Variants in HECW1 observed in about 807,000 individuals in gnomAD.
The protein encoded by HECW1 is E3 ubiquitin-protein ligase HECW1.
A neutral mutation model predicts 182.3 loss-of-function variants in HECW1; 61 were observed. The ratio of observed to expected loss-of-function variants is 0.33; its 90% CI spans 0.27 to 0.41. The LOEUF (loss-of-function observed/expected upper bound fraction) is 0.41. HECW1 is among the 10% of genes least tolerant of loss of function. The probability of loss-of-function intolerance (pLI) is 1.00; values close to 1 mark genes in which losing one functional copy is unlikely to be tolerated. For missense variants in HECW1, 1,739 were observed against 2,108.9 expected (o/e 0.82, Z 3.44); for synonymous variants, 859 against 832.6 (o/e 1.03, Z -0.55).
chr7:43,508,602 A>G, intron 23 of HECW1: 1 of 265,988 alleles, frequency 3.8e-6, no homozygotes, highest in South Asian at 6.4e-5. Flanking sequence ...ACACACACAC[A>G]TGCATGCACA....
chr7:43,248,510 T>C (rs1799662314), intron 3 of HECW1: 1 of 152,428 alleles, frequency 6.6e-6, no homozygotes, highest in African/African-American at 2.4e-5. Context: ...GGCTTGCTTT[T>C]GGTTATAATG....
At chr7:43,314,818 C>T (rs78587343) in intron 4 of HECW1, among the ~76,000 whole-genome samples, 1,850 of 152,342 alleles carry the variant, frequency 0.012, 39 homozygotes, top group African/African-American at 0.041. Context: ...TTATCTTCCA[C>T]ATTTTCCGTG....
At chr7:43,299,162 G>A (rs779075871) in intron 3 of HECW1, among the ~76,000 whole-genome samples, 14 of 152,146 alleles carry the variant, frequency 9.2e-5, no homozygotes, top group South Asian at 2.1e-4. Flanking sequence ...GATAATCATC[G>A]GTTTGCCATC....
At position 43,438,044 on chromosome 7, in the gene HECW1, T is replaced by C. The variant is rs2076765495; in HGVS notation, c.843T>C (p.Ile281=). 1 of 1,614,098 alleles carries C rather than the reference T, an allele frequency of 6.2e-7. No individual in the cohort carries two copies. Among genetic ancestry groups the C allele is most frequent in the Non-Finnish European group, 8.5e-7 (1 of 1,180,008 alleles). ...FVSLPTDVLE[I]EVKDKFAKSR... is the part of the protein sequence containing the mutation. ...CCTTGCCCACTGACGTGCTGGAAAT[T>C]GAGGTGAAGGACAAGTTTGCCAAGA... The change falls in exon 9 of 30, where the codon ATT becomes ATC. Residue 281 remains isoleucine (I), a synonymous_variant. Coordinates refer to ENST00000395891, the MANE Select transcript of HECW1 (RefSeq NM_015052.5).
In HECW1 at chr7:43,193,663, T is replaced by C. The variant is rs1202771579; in HGVS notation, c.-31-50212T>C. ...TCCCAAATTGCTGGGATTATAAGCATGAGCCACCACACCCGGCCACTTGAT... is the reference window on the plus strand; with the variant it reads ...TCCCAAATTGCTGGGATTATAAGCACGAGCCACCACACCCGGCCACTTGAT... On this transcript the variant is annotated intron_variant, in intron 2 of 29. Transcript: ENST00000395891. Among the ~76,000 whole-genome samples, 10 of 152,158 alleles carry C rather than the reference T, an allele frequency of 6.6e-5. No individual in the cohort carries two copies. In the East Asian group the frequency reaches 7.7e-4, roughly 12 times the overall value.
At chr7:43,175,254 A>G (rs941466157) in intron 2 of HECW1, among the ~76,000 whole-genome samples, 1 of 151,764 alleles carries the variant, frequency 6.6e-6, no homozygotes, top group Non-Finnish European at 1.5e-5. Context: ...CACACTTACC[A>G]TTTTCTTGTC....
At chr7:43,463,914 T>A in intron 14 of HECW1, 115 bp downstream of exon 14, 1 of 1,219,558 alleles carries the variant, frequency 8.2e-7, no homozygotes, top group Non-Finnish European at 1.2e-6. Flanking sequence ...GTGAAGAGAG[T>A]GGAAGTCCAG....
chr7:43,495,963 C>T (rs751735115), intron 19 of HECW1, among the ~76,000 whole-genome samples: 1 of 152,100 alleles, frequency 6.6e-6, no homozygotes, highest in Non-Finnish European at 1.5e-5. Flanking sequence ...ACACAAAAGT[C>T]TCATTTTAAT....
chr7:43,327,419 G>A (rs182241395), intron 5 of HECW1, among the ~76,000 whole-genome samples: 7 of 152,268 alleles, frequency 4.6e-5, no homozygotes, highest in Non-Finnish European at 8.8e-5. Context: ...TGTAACGGTC[G>A]TGAAGTAATT....
chr7:43,295,528 A>C (rs531491797), intron 3 of HECW1, among the ~76,000 whole-genome samples: 15 of 152,020 alleles, frequency 9.9e-5, no homozygotes, highest in African/African-American at 3.6e-4. Context: ...AGAAGGTCCC[A>C]CTCCCCAGGG....
At chr7:43,233,297 G>A (rs1798040170) in intron 2 of HECW1, among the ~76,000 whole-genome samples, 1 of 152,104 alleles carries the variant, frequency 6.6e-6, no homozygotes, top group Admixed American at 6.5e-5. Flanking sequence ...TTAGTCTCCA[G>A]GACTTTTTAG....
At chr7:43,161,632 T>A (rs1790536029) in intron 2 of HECW1, 2 of 152,356 alleles carry the variant, frequency 1.3e-5, no homozygotes, top group East Asian at 3.9e-4. Flanking sequence ...TGTGAGATAG[T>A]GAACTCTCCA....
intron 4 of HECW1, 38 bp downstream of exon 4, chr7:43,312,125 C>T: frequency 6.6e-7 from 1 of 1,519,662 alleles, no homozygotes; most frequent in South Asian, 1.1e-5. Context: ...TCATAATTCA[C>T]TTTTACATAT....
At chr7:43,542,976 G>C (rs937860798) in intron 26 of HECW1, among the ~76,000 whole-genome samples, 14 of 152,150 alleles carry the variant, frequency 9.2e-5, no homozygotes, top group African/African-American at 3.4e-4. Context: ...TTACAGAAAT[G>C]ATTCTTTTTA....
chr7:43,518,441 G>A (rs1394129196), intron 24 of HECW1, among the ~76,000 whole-genome samples: 1 of 151,828 alleles, frequency 6.6e-6, no homozygotes, highest in African/African-American at 2.4e-5. Flanking sequence ...GGTTGCAGTG[G>A]GCCTGGATTG....
At chr7:43,545,328 A>C (rs1017163995) in intron 26 of HECW1, among the ~76,000 whole-genome samples, 5 of 152,250 alleles carry the variant, frequency 3.3e-5, no homozygotes. Flanking sequence ...CTGAATGCAT[A>C]AAATTAGAGG....
chr7:43,558,561 C>A (rs1052514362), intron 29 of HECW1, among the ~76,000 whole-genome samples: 7 of 152,112 alleles, frequency 4.6e-5, no homozygotes, highest in Non-Finnish European at 7.4e-5. Context: ...GGAAGGGGTG[C>A]TACTGGTGTC....
chr7:43,142,963 G>A (rs566436351), intron 2 of HECW1, among the ~76,000 whole-genome samples: 19 of 152,266 alleles, frequency 1.2e-4, no homozygotes, highest in Non-Finnish European at 2.8e-4. Context: ...AGCTGGGCTT[G>A]GCCATGTAAC....
intron 3 of HECW1, among the ~76,000 whole-genome samples, chr7:43,253,039 G>A (rs73101153): frequency 0.014 from 2,145 of 152,000 alleles, 45 homozygotes; most frequent in Middle Eastern, 0.044. Flanking sequence ...TGTCTGCTCA[G>A]TAAAATCATC....
Sources: allele counts gnomAD v4.1 joint callset (sites outside exome capture counted in the v4.1 genomes callset), GRCh38; gene constraint gnomAD v4.1.1; transcripts MANE v1.5; gene names NCBI Gene and HGNC (gene_info 2026-07-23, HGNC 2026-07-21).